Variants in COG4 observed in about 807,000 individuals in gnomAD.
COG4 encodes component of oligomeric golgi complex 4, also known as conserved oligomeric Golgi complex subunit 4.
Under a neutral mutation model 95.1 loss-of-function variants are expected in COG4, and 65 were observed. The ratio of observed to expected loss-of-function variants is 0.68; its 90% CI spans 0.56 to 0.84. The LOEUF is 0.84. Ranked by LOEUF, COG4 falls within the 40% of genes least tolerant of loss-of-function variation. The pLI, the probability that COG4 is intolerant of heterozygous loss-of-function variation, is 0.00. For missense variants in COG4, 1,045 were observed against 989.1 expected (o/e 1.06, Z -0.76); for synonymous variants, 421 against 374.8 (o/e 1.12, Z -1.42).
chr16:70,485,395 G>A (rs1348007737), intron 13 of COG4, among the ~76,000 whole-genome samples: 1 of 151,492 alleles, frequency 6.6e-6, no homozygotes, highest in Non-Finnish European at 1.5e-5. Context: ...GTAGAGACAG[G>A]GTTTCACCAT....
chr16:70,516,841 G>A (rs1442309449), intron 3 of COG4, among the ~76,000 whole-genome samples: 3 of 152,074 alleles, frequency 2.0e-5, no homozygotes, highest in Non-Finnish European at 4.4e-5. Flanking sequence ...TTGGCTCACT[G>A]CAATCTCTGC....
intron 2 of COG4, among the ~76,000 whole-genome samples, chr16:70,518,698 C>A (rs532476972): frequency 2.2e-4 from 33 of 152,006 alleles, no homozygotes; most frequent in Non-Finnish European, 4.1e-4. Context: ...TGGTTCTCGG[C>A]CGGGCATGGT....
chr16:70,523,047 T>C, intron 1 of COG4: 1 of 356,654 alleles, frequency 2.8e-6, no homozygotes, highest in South Asian at 3.3e-5. Context: ...CGCTTATTAT[T>C]TTGAGAACCA....
chr16:70,520,070 G>T (rs1011225074), intron 1 of COG4, among the ~76,000 whole-genome samples: 1 of 152,126 alleles, frequency 6.6e-6, no homozygotes, highest in Admixed American at 6.5e-5. Context: ...GGGAGGCCCA[G>T]GTGGGTGGAT....
In COG4 at chr16:70,509,815, GATTAA is replaced by G. The variant is rs1369824914; in HGVS notation, c.844+96_844+100del. ...TCAATTAATACACAATAAACTACAT[GATTAA>G]ATTAAAGTCATCAGGCTAGAAGGGT... On this transcript the variant is annotated intron_variant, in intron 6 of 18. Coordinates refer to ENST00000323786, the MANE Select transcript of COG4 (RefSeq NM_015386.3). 8.3e-6 allele frequency: 7 copies of G among 847,512 alleles called. No individual in the cohort carries two copies. The African/African-American group carries it at 8.4e-5, about 10-fold the overall frequency. The allele number at this position is 847,512 out of a possible 1,614,324, so 52.5% of individuals were successfully genotyped here. A position where few individuals can be genotyped will look rare whatever the true frequency, so the allele number is the denominator to read the frequency against.
intron 12 of COG4, among the ~76,000 whole-genome samples, chr16:70,494,377 G>A (rs776354116): frequency 2.0e-5 from 3 of 152,164 alleles, no homozygotes; most frequent in Non-Finnish European, 4.4e-5. Context: ...TAAATTTGGA[G>A]AATTCATCTA....
At chr16:70,516,415 G>C (rs1277152810) in intron 3 of COG4, among the ~76,000 whole-genome samples, 2 of 151,744 alleles carry the variant, frequency 1.3e-5, no homozygotes, top group African/African-American at 4.8e-5. Context: ...TCCTGCCTCA[G>C]ACTCCTGAGT....
At chr16:70,484,007 G>A (rs200928450) in intron 13 of COG4, 38 bp from the exon 14 acceptor site, 19 of 1,467,206 alleles carry the variant, frequency 1.3e-5, no homozygotes, top group African/African-American at 6.9e-5. Context: ...CCGAGCACGC[G>A]TGGGCCATGG....
chr16:70,506,838 C>A (rs2151756385), intron 8 of COG4, among the ~76,000 whole-genome samples: 1 of 151,798 alleles, frequency 6.6e-6, no homozygotes, highest in Admixed American at 6.6e-5. Flanking sequence ...ATAGTAGTTA[C>A]CTTTGTGGGA....
rs1374701093 is a variant in COG4 at position 70,488,447 on chromosome 16, T to TG, written c.1710+1882dup. 4.6e-5 allele frequency among the ~76,000 whole-genome samples: 7 copies of TG among 152,072 alleles called. No homozygotes were observed. The South Asian group carries it at 6.2e-4, about 14-fold the overall frequency. ...CAGCCTATTATTGCTTTTTAAGTGA[T>TG]GGGGTCTCATTATGTTGCCCAGGCT... On this transcript the variant is annotated intron_variant, in intron 13 of 18. Coordinates refer to ENST00000323786, the MANE Select transcript of COG4 (RefSeq NM_015386.3).
chr16:70,484,001 G>A (rs757631155), intron 13 of COG4, 32 bp from the exon 14 acceptor site: 11 of 1,488,370 alleles, frequency 7.4e-6, no homozygotes, highest in Non-Finnish European at 1.0e-5. Flanking sequence ...AGACCACCGA[G>A]CACGCGTGGG....
chr16:70,491,712 T>C (rs1020754936), intron 12 of COG4, among the ~76,000 whole-genome samples: 1 of 146,942 alleles, frequency 6.8e-6, no homozygotes, highest in Non-Finnish European at 1.5e-5. Context: ...TAATCCCAGC[T>C]ACTCGGGAGG....
At chr16:70,509,767 C>G (rs2049659142) in intron 6 of COG4, 149 bp downstream of exon 6, 1 of 707,162 alleles carries the variant, frequency 1.4e-6, no homozygotes, top group African/African-American at 1.8e-5. Context: ...GGCACTGAAT[C>G]TGGAAGTTAT....
At chr16:70,515,881 T>A (rs1217443480) in intron 3 of COG4, 1 of 399,278 alleles carries the variant, frequency 2.5e-6, no homozygotes, top group East Asian at 7.2e-5. Context: ...GTTCCAAGGT[T>A]TGGTCTCCAA....
intron 13 of COG4, among the ~76,000 whole-genome samples, chr16:70,487,133 A>C (rs1013587698): frequency 3.9e-5 from 6 of 151,956 alleles, no homozygotes; most frequent in Admixed American, 3.9e-4. Flanking sequence ...TCTACTAAAA[A>C]TACAAAAATC....
intron 5 of COG4, 23 bp from the exon 6 acceptor site, chr16:70,510,044 C>T (rs756786411): frequency 1.3e-6 from 2 of 1,588,370 alleles, no homozygotes; most frequent in South Asian, 1.1e-5. Flanking sequence ...AAAACCCACA[C>T]ACATTCCTCA....
chr16:70,481,538 T>C, intron 17 of COG4, 51 bp from the exon 18 acceptor site: 1 of 1,609,182 alleles, frequency 6.2e-7, no homozygotes, highest in Non-Finnish European at 8.5e-7. Context: ...CAAGCAGAAC[T>C]GGCCTCCAGT....
chr16:70,486,765 G>A (rs2049145023), intron 13 of COG4, among the ~76,000 whole-genome samples: 1 of 152,202 alleles, frequency 6.6e-6, no homozygotes, highest in African/African-American at 2.4e-5. Context: ...GGGAGGCCGA[G>A]GCGGGCAGAT....
rs1467889003 is a variant in COG4, at chr16:70,481,351, C to T, written c.2235+8G>A. 3.7e-6 allele frequency: 6 copies of T among 1,612,376 alleles called. No individual in the cohort carries two copies. The highest frequency in any genetic ancestry group is 1.7e-4 in the Middle Eastern group (1 of 6,038). ...CCTCCCTGGCTGGGCCAAGGGTGCCCCACCTACCCGCTCCAGATTGAGGAT... is the reference window on the plus strand; with the variant it reads ...CCTCCCTGGCTGGGCCAAGGGTGCCTCACCTACCCGCTCCAGATTGAGGAT... On this transcript the variant is annotated splice_region_variant and intron_variant, in intron 18 of 18. Coordinates refer to ENST00000323786, the MANE Select transcript of COG4 (RefSeq NM_015386.3).
Sources: allele counts gnomAD v4.1 joint callset (sites outside exome capture counted in the v4.1 genomes callset), GRCh38; gene constraint gnomAD v4.1.1; transcripts MANE v1.5; gene names NCBI Gene and HGNC (gene_info 2026-07-23, HGNC 2026-07-21).